ORC1: variants seen among roughly 807,000 people sequenced by gnomAD.
ORC1 encodes the protein origin recognition complex, subunit 1 homolog.
In ORC1, 61 loss-of-function variants were observed where a neutral mutation model predicts 98.9. The ratio of observed to expected loss-of-function variants is 0.62; its 90% CI spans 0.50 to 0.76. ORC1 has a LOEUF of 0.76. ORC1 is among the 30% of genes least tolerant of loss of function. The probability of loss-of-function intolerance (pLI) is 0.00; values close to 1 mark genes in which losing one functional copy is unlikely to be tolerated. For synonymous variants in ORC1, 385 were observed against 406.9 expected, an observed-to-expected ratio of 0.95 and a Z score of 0.65; for missense variants, 979 against 1,072.2, an observed-to-expected ratio of 0.91 and a Z score of 1.21.
At chr1:52,375,637 G>C in intron 14 of ORC1, 38 bp from the exon 15 acceptor site, 5 of 1,602,386 alleles carry the variant, frequency 3.1e-6, no homozygotes, top group Non-Finnish European at 4.3e-6. Context: ...GGCCACCTTA[G>C]CCCAGAAGAA....
chr1:52,383,834 T>C lies in ORC1; in HGVS notation c.1859A>G (p.Asp620Gly). ...GTCCGCCCATGGGCACCTCACCTCA[T>C]CCACAAGCAGGACGGTGGTTTCCTG... ...SPQETTVLLVDELDLLWTHKQ... is the reference protein window; with the variant it reads ...SPQETTVLLVGELDLLWTHKQ... The change falls in exon 12 of 17, where the codon GAT becomes GGT. Residue 620 changes from aspartate (D) to glycine (G), a missense_variant. Coordinates refer to ENST00000371568, the MANE Select transcript of ORC1 (RefSeq NM_004153.4). 6.2e-7 allele frequency: 1 copy of C among 1,613,140 alleles called. No homozygotes were observed.
In ORC1 at chr1:52,396,207, T is replaced by G. The variant is rs773179936; in HGVS notation, c.560A>C (p.Gln187Pro). Residue 187 changes from glutamine to proline, a missense_variant, in exon 5 of 17, where the codon CAG becomes CCG. By Grantham distance (76) the Gln-to-Pro change is moderately conservative. Transcript: ENST00000371568. ...NKPQESAAKC[Q>P]KPVRAKSKSA... ...CTTACTCTTGGCTCTCACGGGTTTCTGGCACTTGGCTGCACTCTCTTGTGG... is the reference window on the plus strand; with the variant it reads ...CTTACTCTTGGCTCTCACGGGTTTCGGGCACTTGGCTGCACTCTCTTGTGG... 4 of 1,614,212 alleles carry G rather than the reference T, an allele frequency of 2.5e-6. No homozygotes were observed. The Admixed American group carries it at 6.7e-5, about 27-fold the overall frequency.
rs1647570720 is a variant in ORC1 at position 52,399,123 on chromosome 1, G to A, written c.224-1260C>T. On this transcript the variant is annotated intron_variant, in intron 3 of 16. Transcript: ENST00000371568. ...CTGAGAGGAGCTACTCTAAACACAG[G>A]CAACGAACAAATAAAAATCAGTGAC... Among the ~76,000 whole-genome samples the A allele has an allele frequency of 2.0e-5, 3 of 152,102 alleles. No homozygotes were observed. The South Asian group carries it at 6.2e-4, about 32-fold the overall frequency.
At chr1:52,386,402 G>T (rs111753954) in intron 8 of ORC1, among the ~76,000 whole-genome samples, 7 of 152,216 alleles carry the variant, frequency 4.6e-5, no homozygotes, top group African/African-American at 1.7e-4. Context: ...CATGGCCCAC[G>T]GTGCGGGACC....
intron 6 of ORC1, among the ~76,000 whole-genome samples, 156 bp downstream of exon 6, chr1:52,393,287 G>A (rs1647262654): frequency 6.6e-6 from 1 of 152,158 alleles, no homozygotes; most frequent in Non-Finnish European, 1.5e-5. Flanking sequence ...CACTAGGTGT[G>A]GGAAGAGGCC....
chr1:52,407,608 T>G (rs187220112), upstream of ORC1, among the ~76,000 whole-genome samples: 1 of 152,354 alleles, frequency 6.6e-6, no homozygotes, highest in South Asian at 2.1e-4. Context: ...TTATTAAATA[T>G]ATCTTCTTTC....
upstream of ORC1, chr1:52,404,451 G>A (rs1017637934): frequency 7.4e-6 from 2 of 269,130 alleles, no homozygotes; most frequent in Non-Finnish European, 1.4e-5. Flanking sequence ...GCCAATCGGC[G>A]TGGCCCCGCC....
At chr1:52,391,362 A>G (rs1647209002) in intron 6 of ORC1, among the ~76,000 whole-genome samples, 1 of 152,002 alleles carries the variant, frequency 6.6e-6, no homozygotes, top group South Asian at 2.1e-4. Context: ...AAAGTCTTCT[A>G]GACATTGTTA....
At chr1:52,398,836 C>A (rs973308537) in intron 3 of ORC1, among the ~76,000 whole-genome samples, 12 of 149,120 alleles carry the variant, frequency 8.0e-5, no homozygotes, top group Admixed American at 1.3e-4. Context: ...CCGCCTGCCT[C>A]GGCCTACCAA....
At chr1:52,398,928 C>T (rs1234934829) in intron 3 of ORC1, among the ~76,000 whole-genome samples, 1 of 152,148 alleles carries the variant, frequency 6.6e-6, no homozygotes, top group African/African-American at 2.4e-5. Flanking sequence ...GGTACTACAG[C>T]TATCCCCCTT....
Position 52,386,002 on chromosome 1 carries a change from A to G in ORC1, c.1384-53T>C. ...ACAAGGAAAAAGCAAAACACCATCC[A>G]GGACACACCAGCAAATGTGATTTGT... On this transcript the variant is annotated intron_variant, in intron 8 of 16. Coordinates refer to ENST00000371568, the MANE Select transcript of ORC1 (RefSeq NM_004153.4). The G allele has an allele frequency of 3.2e-6, 4 of 1,247,114 alleles. No individual in the cohort carries two copies. The South Asian group carries it at 3.7e-5, about 12-fold the overall frequency. 77.3% of individuals were successfully genotyped at this position (1,247,114 alleles called of 1,614,324 possible).
chr1:52,397,683 A>C lies in ORC1; in HGVS notation c.402+2T>G. On this transcript the variant is annotated splice_donor_variant, in intron 4 of 16. Transcript: ENST00000371568. LOFTEE classifies it high-confidence loss of function. ...AGAACCAAGGATGGTGGCATCACCT[A>C]CCCGAACAAGGCCAATGATGGTCTC... 6.2e-7 allele frequency: 1 copy of C among 1,614,010 alleles called. No individual in the cohort carries two copies. The highest frequency in any genetic ancestry group is 8.5e-7 in the Non-Finnish European group (1 of 1,179,888).
intron 3 of ORC1, among the ~76,000 whole-genome samples, chr1:52,400,104 T>C (rs949869781): frequency 1.3e-5 from 2 of 152,262 alleles, no homozygotes; most frequent in Admixed American, 6.5e-5. Flanking sequence ...TACTGGACAT[T>C]AGTTTGATGA....
chr1:52,401,283 G>A, intron 3 of ORC1, 79 bp downstream of exon 3: 4 of 1,573,042 alleles, frequency 2.5e-6, no homozygotes, highest in East Asian at 2.2e-5. Flanking sequence ...ACACTGCTGT[G>A]AACAAAAGAA....
At chr1:52,394,972 A>T (rs1470708412) in intron 5 of ORC1, among the ~76,000 whole-genome samples, 1 of 152,188 alleles carries the variant, frequency 6.6e-6, no homozygotes, top group Non-Finnish European at 1.5e-5. Flanking sequence ...TCTGAAGGTG[A>T]TATTACAGAT....
rs1411491718 is a variant in ORC1, at chr1:52,402,093, G to A, written c.95+36C>T. On this transcript the variant is annotated intron_variant, in intron 2 of 16. Coordinates refer to ENST00000371568, the MANE Select transcript of ORC1 (RefSeq NM_004153.4). ...AGTTGACTGTTTAGCTTGAGAAGCTGTATTTCCAGGACAACCAAAGGACCC... is the reference window on the plus strand; with the variant it reads ...AGTTGACTGTTTAGCTTGAGAAGCTATATTTCCAGGACAACCAAAGGACCC... 2.1e-6 allele frequency: 3 copies of A among 1,456,504 alleles called. No individual in the cohort carries two copies. The Admixed American group carries it at 5.0e-5, about 24-fold the overall frequency. The allele number at this position is 1,456,504 out of a possible 1,614,324, so 90.2% of individuals were successfully genotyped here.
intron 16 of ORC1, 142 bp from the exon 17 acceptor site, chr1:52,373,517 G>T: frequency 1.4e-6 from 1 of 723,584 alleles, no homozygotes; most frequent in Non-Finnish European, 2.4e-6. Flanking sequence ...TGGTGCCCCA[G>T]TGGTACACAA....
intron 1 of ORC1, among the ~76,000 whole-genome samples, chr1:52,402,544 T>C (rs1307588876): frequency 6.6e-6 from 1 of 152,168 alleles, no homozygotes; most frequent in Non-Finnish European, 1.5e-5. Context: ...GGCAGAACAA[T>C]AGGTGTAAAA....
chr1:52,374,708 T>C (rs767568742), intron 16 of ORC1, 102 bp downstream of exon 16: 1 of 785,978 alleles, frequency 1.3e-6, no homozygotes, highest in Non-Finnish European at 2.2e-6. Flanking sequence ...TCACATACTC[T>C]AGGTGGCACA....
Sources: allele counts gnomAD v4.1 joint callset (sites outside exome capture counted in the v4.1 genomes callset), GRCh38; gene constraint gnomAD v4.1.1; transcripts MANE v1.5; gene names NCBI Gene and HGNC (gene_info 2026-07-23, HGNC 2026-07-21).